The following PIK3C3 variants were observed in gnomAD, a reference collection of about 807,000 sequenced individuals.
PIK3C3 encodes phosphatidylinositol 3-kinase catalytic subunit type 3, also known as PI3-kinase type 3.
A neutral mutation model predicts 126.1 loss-of-function variants in PIK3C3; 95 were observed. The ratio of observed to expected loss-of-function variants is 0.75; its 90% CI spans 0.64 to 0.89. The LOEUF is 0.89. Among genes scored for constraint, PIK3C3 ranks in the 40% least tolerant of loss-of-function variants. PIK3C3 has a pLI of 0.00. For missense variants in PIK3C3, 829 were observed against 1,063.2 expected (o/e 0.78, Z 3.06); for synonymous variants, 374 against 360.0 (o/e 1.04, Z -0.44).
chr18:41,989,393 AT>A (rs57564129), intron 5 of PIK3C3, among the ~76,000 whole-genome samples: 12,611 of 152,144 alleles, frequency 0.083, 1,703 homozygotes, highest in African/African-American at 0.28. Context: ...AAAGCCATTT[AT>A]AAAGGTGTTT....
chr18:42,060,981 G>C (rs1251664770), intron 22 of PIK3C3, among the ~76,000 whole-genome samples: 1 of 152,142 alleles, frequency 6.6e-6, no homozygotes, highest in Non-Finnish European at 1.5e-5. Context: ...ATGGAAAATA[G>C]AATGTAGAGG....
At chr18:42,064,891 A>G (rs1344955593) in intron 23 of PIK3C3, 61 bp downstream of exon 23, 2 of 877,438 alleles carry the variant, frequency 2.3e-6, no homozygotes, top group African/African-American at 3.3e-5. Flanking sequence ...ATTCCAGAAT[A>G]CAACAACCTC....
chr18:41,963,282 A>G (rs1477348364), intron 3 of PIK3C3, among the ~76,000 whole-genome samples: 4 of 152,224 alleles, frequency 2.6e-5, no homozygotes, highest in African/African-American at 9.7e-5. Context: ...AGACAGATAA[A>G]TATTTTAACT....
At chr18:41,961,784 A>G (rs1341596007) in intron 2 of PIK3C3, among the ~76,000 whole-genome samples, 4 of 152,184 alleles carry the variant, frequency 2.6e-5, no homozygotes, top group African/African-American at 9.7e-5. Context: ...TTAAAAGTAT[A>G]AGAAAATTTA....
intron 20 of PIK3C3, among the ~76,000 whole-genome samples, chr18:42,045,004 A>G (rs1007515514): frequency 6.6e-6 from 1 of 152,202 alleles, no homozygotes; most frequent in African/African-American, 2.4e-5. Context: ...GTTTTTCACA[A>G]CACCCCTGTG....
At chr18:42,006,752 C>A (rs1286558103) in intron 10 of PIK3C3, among the ~76,000 whole-genome samples, 1 of 151,942 alleles carries the variant, frequency 6.6e-6, no homozygotes, top group Non-Finnish European at 1.5e-5. Context: ...ATTTACTTAA[C>A]CATTGGGCCT....
At chr18:42,013,834 T>C (rs1277699342) in intron 11 of PIK3C3, among the ~76,000 whole-genome samples, 1 of 152,198 alleles carries the variant, frequency 6.6e-6, no homozygotes, top group Admixed American at 6.5e-5. Flanking sequence ...ACTTACTAGC[T>C]GTATAAACTT....
chr18:42,042,248 C>CT (rs1198135823), intron 19 of PIK3C3, among the ~76,000 whole-genome samples: 1 of 152,058 alleles, frequency 6.6e-6, no homozygotes, highest in Non-Finnish European at 1.5e-5. Context: ...TTATTTTTGG[C>CT]TATTGGAAAA....
chr18:42,068,014 A>G (rs1276861462), intron 24 of PIK3C3, among the ~76,000 whole-genome samples: 1 of 152,226 alleles, frequency 6.6e-6, no homozygotes. Flanking sequence ...GAATTGCATA[A>G]TAAGGATGAC....
chr18:42,018,105 C>G (rs1983159191), intron 12 of PIK3C3, among the ~76,000 whole-genome samples: 1 of 151,698 alleles, frequency 6.6e-6, no homozygotes, highest in Admixed American at 6.6e-5. Context: ...ATTGTATACA[C>G]TCAGTAAATA....
At chr18:41,977,718 C>G (rs1406018058) in intron 4 of PIK3C3, among the ~76,000 whole-genome samples, 2 of 152,134 alleles carry the variant, frequency 1.3e-5, no homozygotes, top group African/African-American at 4.8e-5. Context: ...CTCCTAACCT[C>G]AAGTGATCAA....
At chr18:41,994,327 T>C (rs1981924400) in intron 7 of PIK3C3, among the ~76,000 whole-genome samples, 2 of 152,322 alleles carry the variant, frequency 1.3e-5, no homozygotes, top group Admixed American at 1.3e-4. Flanking sequence ...GAATTTTCAG[T>C]ATAAAATCAA....
intron 1 of PIK3C3, 85 bp from the exon 2 acceptor site, chr18:41,957,485 A>G (rs1490363680): frequency 4.5e-6 from 6 of 1,338,416 alleles, no homozygotes; most frequent in African/African-American, 4.5e-5. Context: ...TGCTTAAAGC[A>G]TATATGTACA....
chr18:41,975,670 C>T (rs1980881097), intron 4 of PIK3C3, among the ~76,000 whole-genome samples: 1 of 148,978 alleles, frequency 6.7e-6, no homozygotes, highest in Admixed American at 6.7e-5. Context: ...AGATATTTTT[C>T]TCAGTTTTGG....
chr18:41,964,688 G>T (rs540193435), intron 3 of PIK3C3, among the ~76,000 whole-genome samples: 18 of 152,024 alleles, frequency 1.2e-4, no homozygotes, highest in Non-Finnish European at 2.9e-5. Flanking sequence ...TGTTTTGGCA[G>T]ATACATTTTA....
chr18:42,041,999 G>A (rs947450582), intron 19 of PIK3C3, among the ~76,000 whole-genome samples: 1 of 152,178 alleles, frequency 6.6e-6, no homozygotes, highest in African/African-American at 2.4e-5. Context: ...TTGGTCATTG[G>A]CTTTCAGCAT....
At chr18:42,066,927 A>AT (rs1568008948) in intron 23 of PIK3C3, among the ~76,000 whole-genome samples, 2 of 152,160 alleles carry the variant, frequency 1.3e-5, no homozygotes, top group African/African-American at 4.8e-5. Context: ...CTGTTCTCAT[A>AT]TAGACACTGA....
chr18:42,039,947 T>C (rs964303548), intron 18 of PIK3C3, among the ~76,000 whole-genome samples: 2 of 152,192 alleles, frequency 1.3e-5, no homozygotes, highest in African/African-American at 4.8e-5. Context: ...TATTTCTTAT[T>C]CTACAGGGGT....
chr18:41,987,758 CCTT>C (rs1190518724), intron 4 of PIK3C3, 51 bp from the exon 5 acceptor site: 1 of 1,203,214 alleles, frequency 8.3e-7, no homozygotes, highest in Admixed American at 1.8e-5. Flanking sequence ...CATTTTTGGT[CCTT>C]CTTTCTACTA....
Sources: allele counts gnomAD v4.1 joint callset (sites outside exome capture counted in the v4.1 genomes callset), GRCh38; gene constraint gnomAD v4.1.1; transcripts MANE v1.5; gene names NCBI Gene and HGNC (gene_info 2026-07-23, HGNC 2026-07-21).